Variants in CDH8 observed in about 807,000 individuals in gnomAD.
CDH8 encodes cadherin 8, also known as cadherin-8.
A neutral mutation model predicts 68.1 loss-of-function variants in CDH8; 17 were observed. The observed-to-expected ratio is 0.25, with a 90% CI of 0.17 to 0.37. CDH8 has a LOEUF of 0.37. CDH8 is among the 10% of genes least tolerant of loss of function. CDH8 has a pLI of 1.00. For missense variants in CDH8, 763 were observed against 999.3 expected (o/e 0.76, Z 3.19); for synonymous variants, 372 against 365.1 (o/e 1.02, Z -0.21).
intron 3 of CDH8, among the ~76,000 whole-genome samples, chr16:61,873,915 G>C (rs1373925472): frequency 6.6e-6 from 1 of 152,094 alleles, no homozygotes; most frequent in Non-Finnish European, 1.5e-5. Flanking sequence ...AATTAGCCAG[G>C]GGTGGTGGTG....
chr16:61,951,631 T>G (rs1446909964), intron 2 of CDH8, among the ~76,000 whole-genome samples: 1 of 152,166 alleles, frequency 6.6e-6, no homozygotes, highest in African/African-American at 2.4e-5. Context: ...AATACTGGGA[T>G]TCCTTTTTTT....
chr16:61,863,228 G>T (rs1265993764), intron 3 of CDH8, among the ~76,000 whole-genome samples: 2 of 152,044 alleles, frequency 1.3e-5, no homozygotes, highest in Non-Finnish European at 2.9e-5. Flanking sequence ...CCAATGTGCT[G>T]CTCGGATTTT....
chr16:61,883,632 T>C (rs1403168637), intron 3 of CDH8, among the ~76,000 whole-genome samples: 1 of 151,372 alleles, frequency 6.6e-6, no homozygotes, highest in Non-Finnish European at 1.5e-5. Context: ...TTCTTTTATA[T>C]GACATATCCC....
At chr16:61,900,360 C>T (rs569913323) in intron 3 of CDH8, among the ~76,000 whole-genome samples, 29 of 152,250 alleles carry the variant, frequency 1.9e-4, no homozygotes, top group Non-Finnish European at 3.4e-4. Context: ...ATGTACTACA[C>T]ATTTTAAAAA....
intron 10 of CDH8, among the ~76,000 whole-genome samples, chr16:61,675,252 T>G (rs1204480461): frequency 6.6e-6 from 1 of 151,930 alleles, no homozygotes. Flanking sequence ...ATATACACCA[T>G]GGAATACTAT....
At chr16:61,912,762 G>A (rs2143333745) in intron 2 of CDH8, among the ~76,000 whole-genome samples, 1 of 152,020 alleles carries the variant, frequency 6.6e-6, no homozygotes, top group African/African-American at 2.4e-5. Flanking sequence ...AAGGCCATCA[G>A]CACCACAGTC....
At chr16:61,894,670 A>G (rs978482829) in intron 3 of CDH8, among the ~76,000 whole-genome samples, 1 of 152,194 alleles carries the variant, frequency 6.6e-6, no homozygotes, top group Non-Finnish European at 1.5e-5. Context: ...TGTGTTTTCT[A>G]TGAGCATTCC....
At chr16:61,826,659 A>G (rs964150352) in intron 4 of CDH8, among the ~76,000 whole-genome samples, 2 of 150,412 alleles carry the variant, frequency 1.3e-5, no homozygotes, top group Admixed American at 6.7e-5. Context: ...TTTAATTCAT[A>G]TGGTTTATTT....
At chr16:61,688,081 T>A (rs1025219824) in intron 10 of CDH8, among the ~76,000 whole-genome samples, 5 of 152,006 alleles carry the variant, frequency 3.3e-5, no homozygotes, top group South Asian at 2.1e-4. Flanking sequence ...TAAACAACTT[T>A]GAAGTCTTTC....
chr16:61,887,805 A>AT (rs1963702674), intron 3 of CDH8, among the ~76,000 whole-genome samples: 2 of 152,122 alleles, frequency 1.3e-5, no homozygotes, highest in African/African-American at 4.8e-5. Flanking sequence ...TACTTGACTG[A>AT]TATTATAATC....
At chr16:61,683,214 T>A (rs1964044614) in intron 10 of CDH8, among the ~76,000 whole-genome samples, 1 of 152,000 alleles carries the variant, frequency 6.6e-6, no homozygotes, top group Admixed American at 6.6e-5. Flanking sequence ...GGGCAAAATT[T>A]TCAACCTCCT....
intron 4 of CDH8, among the ~76,000 whole-genome samples, chr16:61,839,189 A>G (rs140660994): frequency 6.6e-6 from 1 of 152,240 alleles, no homozygotes; most frequent in Non-Finnish European, 1.5e-5. Flanking sequence ...GATTGTACTG[A>G]TGATTATCAA....
chr16:61,941,917 G>T (rs918868819), intron 2 of CDH8, among the ~76,000 whole-genome samples: 3 of 151,844 alleles, frequency 2.0e-5, no homozygotes, highest in African/African-American at 7.3e-5. Flanking sequence ...CTCATCCTTT[G>T]ATCTCTCCCT....
At chr16:61,959,984 G>GTGTGTATATATATA (rs1385952323) in intron 2 of CDH8, among the ~76,000 whole-genome samples, 16 of 44,536 alleles carry the variant, frequency 3.6e-4, no homozygotes, top group Admixed American at 2.3e-3. Context: ...GTGTGTGTGT[G>GTGTGTATATATATA]TATATATATA....
chr16:62,006,693 G>A (rs909001793), intron 2 of CDH8, among the ~76,000 whole-genome samples: 10 of 152,158 alleles, frequency 6.6e-5, no homozygotes, highest in African/African-American at 1.9e-4. Flanking sequence ...ACCCATAAAA[G>A]TTAAAAATAA....
chr16:61,949,408 A>T (rs1964853618), intron 2 of CDH8, among the ~76,000 whole-genome samples: 1 of 152,120 alleles, frequency 6.6e-6, no homozygotes, highest in Non-Finnish European at 1.5e-5. Context: ...GTGGGTGGGG[A>T]CAAATAAGAG....
intron 10 of CDH8, among the ~76,000 whole-genome samples, chr16:61,697,482 C>T (rs1430611031): frequency 7.1e-6 from 1 of 141,686 alleles, no homozygotes. Context: ...GTCAGAACTA[C>T]ACTTTTGGAG....
intron 2 of CDH8, among the ~76,000 whole-genome samples, chr16:61,989,227 T>A (rs577993574): frequency 1.1e-4 from 16 of 152,332 alleles, no homozygotes; most frequent in African/African-American, 3.6e-4. Context: ...CACAAATTTG[T>A]ATTCTTTGGC....
intron 3 of CDH8, among the ~76,000 whole-genome samples, chr16:61,891,187 A>T (rs1188780342): frequency 6.6e-6 from 1 of 152,130 alleles, no homozygotes; most frequent in African/African-American, 2.4e-5. Context: ...GGCAGCCCAT[A>T]CAGGGCAATA....
Sources: gnomAD v4.1 joint callset for allele counts (sites outside exome capture counted in the v4.1 genomes callset) on GRCh38, gnomAD v4.1.1 for gene constraint, MANE v1.5 for transcripts, NCBI Gene and HGNC (gene_info 2026-07-23, HGNC 2026-07-21) for gene names.